AKAP8: variants seen among roughly 807,000 people sequenced by gnomAD.
The protein encoded by AKAP8 is A-kinase anchoring protein 8.
A neutral mutation model predicts 67.5 loss-of-function variants in AKAP8; 24 were observed. The ratio of observed to expected loss-of-function variants is 0.36; its 90% CI spans 0.26 to 0.50. AKAP8 has a LOEUF of 0.50. Among genes scored for constraint, AKAP8 ranks in the 20% least tolerant of loss-of-function variants. The pLI, the probability that AKAP8 is intolerant of heterozygous loss-of-function variation, is 0.97. For missense variants in AKAP8, 971 were observed against 955.9 expected, an observed-to-expected ratio of 1.02 and a Z score of -0.21; for synonymous variants, 400 against 371.1, an observed-to-expected ratio of 1.08 and a Z score of -0.90.
intron 10 of AKAP8, 133 bp downstream of exon 10, chr19:15,361,977 A>G: frequency 7.1e-7 from 1 of 1,401,204 alleles, no homozygotes; most frequent in South Asian, 1.4e-5. Flanking sequence ...TGACTCAGGG[A>G]CTTACACAGC....
rs201491601 is a variant in AKAP8, at chr19:15,372,893, G to A, written c.819C>T (p.Tyr273=). The change falls in exon 5 of 14, where the codon TAC becomes TAT. Residue 273 remains tyrosine (Y), a synonymous_variant. Coordinates refer to ENST00000269701, the MANE Select transcript of AKAP8 (RefSeq NM_005858.4). ...GAGGYDSTMP[Y]GCGRSQPRMR... ...TCCGAGGCTGCGAGCGGCCACATCC[G>A]TAGGGCATGGTGCTGTCATAGCCGC... 2.2e-4 allele frequency: 330 copies of A among 1,510,796 alleles called. 3 individuals carry two copies. The South Asian group carries it at 2.7e-3, about 12-fold the overall frequency. 93.6% of individuals were successfully genotyped at this position (1,510,796 alleles called of 1,614,324 possible). A position where few individuals can be genotyped will look rare whatever the true frequency, so the allele number is the denominator to read the frequency against.
At position 15,379,786 on chromosome 19, in the gene AKAP8, G is replaced by A. The variant is rs1454282378; in HGVS notation, c.-55C>T. On this transcript the variant is annotated 5_prime_UTR_variant, in exon 1 of 14. Transcript: ENST00000269701. ...TTTACTAGGCGACCACAGCACGCAT[G>A]CGTTCAGCGCACCTCCGCCATCGAC... is the stretch of plus-strand genomic sequence containing the variant. 3.1e-6 allele frequency: 5 copies of A among 1,607,148 alleles called. No individual in the cohort carries two copies. Among genetic ancestry groups the A allele is most frequent in the South Asian group, 1.1e-5 (1 of 90,026 alleles).
Position 15,360,785 on chromosome 19 carries a change from C to T in AKAP8, c.1527+63G>A. 7 of 1,562,244 alleles carry T rather than the reference C, an allele frequency of 4.5e-6. 1 individual carries two copies. The highest frequency in any genetic ancestry group is 6.1e-6 in the Non-Finnish European group (7 of 1,149,308). ...AGATGTTGTTATTCCCCATAAGACA[C>T]AGCAGGCTCTGAGCCGCAGCCCTGC... On this transcript the variant is annotated intron_variant, in intron 12 of 13. Transcript: ENST00000269701.
Position 15,360,950 on chromosome 19 carries a change from C to T in AKAP8, c.1425G>A (p.Lys475=). Reference sequence around the variant, plus strand: ...AGGCCAGGCAGTGAGCAGCCTCGATCTTCTTGAAGAAGTGCTCCTGGCCAA... The same window carrying T: ...AGGCCAGGCAGTGAGCAGCCTCGATTTTCTTGAAGAAGTGCTCCTGGCCAA... ...KGIGQEHFFK[K]IEAAHCLACD... Residue 475 remains lysine (K), a synonymous_variant, in exon 12 of 14, where the codon AAG becomes AAA. Coordinates refer to ENST00000269701, the MANE Select transcript of AKAP8 (RefSeq NM_005858.4). 3 of 1,613,548 alleles carry T rather than the reference C, an allele frequency of 1.9e-6. No homozygotes were observed. Among genetic ancestry groups the T allele is most frequent in the Non-Finnish European group, 2.5e-6 (3 of 1,179,866 alleles).
intron 1 of AKAP8, among the ~76,000 whole-genome samples, chr19:15,378,230 C>A (rs1568256181): frequency 6.6e-6 from 1 of 152,176 alleles, no homozygotes; most frequent in Non-Finnish European, 1.5e-5. Context: ...CGTCATACCG[C>A]AAAACCTTCT....
rs1054696552 is a variant in AKAP8, at chr19:15,353,496, G to A, written c.*1419C>T. On this transcript the variant is annotated 3_prime_UTR_variant, in exon 14 of 14. Coordinates refer to ENST00000269701, the MANE Select transcript of AKAP8 (RefSeq NM_005858.4). ...CATCTACACAACACAAACGGATGCT[G>A]AGCAGAAATGACCCAGAGGCACCAT... is the stretch of plus-strand genomic sequence containing the variant. The A allele has an allele frequency of 6.6e-6, 1 of 152,042 alleles. No individual in the cohort carries two copies. The highest frequency in any genetic ancestry group is 2.4e-5 in the African/African-American group (1 of 41,412). The allele number at this position is 152,042 out of a possible 1,614,324, so 9.4% of individuals were successfully genotyped here. A position where few individuals can be genotyped will look rare whatever the true frequency, so the allele number is the denominator to read the frequency against.
At chr19:15,364,792 T>G (rs1318089370) in intron 9 of AKAP8, among the ~76,000 whole-genome samples, 2 of 152,094 alleles carry the variant, frequency 1.3e-5, no homozygotes, top group Non-Finnish European at 2.9e-5. Flanking sequence ...ACCCAGACTT[T>G]TCTTTTTCTC....
In AKAP8 at chr19:15,369,242, G is replaced by A; in HGVS notation, c.1072+904C>T. On this transcript the variant is annotated intron_variant, in intron 8 of 13. Coordinates refer to ENST00000269701, the MANE Select transcript of AKAP8 (RefSeq NM_005858.4). The surrounding 1 kb of genome is among the most constrained non-coding windows in gnomAD (Gnocchi z 4.6). ...AGCAGGACCTGCGCGCAACAGACAT[G>A]TCACCTTTGCTTTAGCATTGTGCCG... The A allele has an allele frequency of 1.0e-6, 1 of 985,526 alleles. No homozygotes were observed. Among genetic ancestry groups the A allele is most frequent in the South Asian group, 4.7e-5 (1 of 21,294 alleles). 61.0% of individuals were successfully genotyped at this position (985,526 alleles called of 1,614,324 possible). A position where few individuals can be genotyped will look rare whatever the true frequency, so the allele number is the denominator to read the frequency against.
At chr19:15,372,111 A>C in intron 6 of AKAP8, 107 bp downstream of exon 6, 1 of 1,608,926 alleles carries the variant, frequency 6.2e-7, no homozygotes, top group South Asian at 1.1e-5. Context: ...GTGGGGTTGA[A>C]ACATGCCACC....
At chr19:15,379,614 G>C in intron 1 of AKAP8, 99 bp downstream of exon 1, 1 of 1,426,310 alleles carries the variant, frequency 7.0e-7, no homozygotes, top group East Asian at 2.8e-5. Context: ...GGGCAACCAC[G>C]CTCGGGACGA....
At chr19:15,363,415 C>T (rs1758557465) in intron 9 of AKAP8, among the ~76,000 whole-genome samples, 1 of 148,650 alleles carries the variant, frequency 6.7e-6, no homozygotes, top group Admixed American at 6.6e-5. Flanking sequence ...GGCGCCTCTG[C>T]CCGGCCGCCC....
chr19:15,368,374 G>T, intron 8 of AKAP8, 52 bp from the exon 9 acceptor site: 1 of 1,611,082 alleles, frequency 6.2e-7, no homozygotes. Flanking sequence ...CAAAGGAGCT[G>T]AGCTCCAGGG....
At chr19:15,370,438 C>T (rs1021229207) in intron 7 of AKAP8, among the ~76,000 whole-genome samples, 1 of 152,132 alleles carries the variant, frequency 6.6e-6, no homozygotes, top group Admixed American at 6.5e-5. Context: ...CACCCTCTCT[C>T]GGTTCCTCCT....
intron 6 of AKAP8, 49 bp from the exon 7 acceptor site, chr19:15,372,047 TC>T: frequency 6.2e-7 from 1 of 1,611,884 alleles, no homozygotes; most frequent in Non-Finnish European, 8.5e-7. Flanking sequence ...AACGGTCCCA[TC>T]CGGTTTCCGC....
chr19:15,379,534 G>C, intron 1 of AKAP8, 179 bp downstream of exon 1: 1 of 606,226 alleles, frequency 1.6e-6, no homozygotes, highest in Non-Finnish European at 2.6e-6. Flanking sequence ...CAGAGCCCCG[G>C]GAGCGACGGC....
chr19:15,363,487 G>A, intron 9 of AKAP8, among the ~76,000 whole-genome samples: 1 of 140,102 alleles, frequency 7.1e-6, no homozygotes, highest in South Asian at 2.3e-4. Flanking sequence ...GGAGGTGGGG[G>A]GGGTCAGCCC....
Position 15,379,706 on chromosome 19 carries a change from C to T in AKAP8, c.19+7G>A, listed in dbSNP as rs1042173068. The stretch of plus-strand genomic sequence containing the variant: ...TCCCCGCTCCGCACCCAGCAGCCAA[C>T]ACAAACCTCCGTAGCCCTGGTCCAT... On this transcript the variant is annotated splice_region_variant and intron_variant, in intron 1 of 13. Coordinates refer to ENST00000269701, the MANE Select transcript of AKAP8 (RefSeq NM_005858.4). 1 of 1,609,944 alleles carries T rather than the reference C, an allele frequency of 6.2e-7. No homozygotes were observed. Among genetic ancestry groups the T allele is most frequent in the South Asian group, 1.1e-5 (1 of 90,338 alleles).
chr19:15,359,874 C>G (rs1966937081), intron 12 of AKAP8, among the ~76,000 whole-genome samples: 1 of 152,080 alleles, frequency 6.6e-6, no homozygotes, highest in Non-Finnish European at 1.5e-5. Context: ...TGGCTCACAC[C>G]TGTAATCCCA....
chr19:15,365,749 G>A (rs918353327), intron 9 of AKAP8, among the ~76,000 whole-genome samples: 3 of 152,104 alleles, frequency 2.0e-5, no homozygotes, highest in African/African-American at 4.8e-5. Flanking sequence ...ATGGCCAGGC[G>A]CGGTGGTTCA....
Sources: allele counts gnomAD v4.1 joint callset (sites outside exome capture counted in the v4.1 genomes callset), GRCh38; gene constraint gnomAD v4.1.1; non-coding constraint Gnocchi (gnomAD v3.1); transcripts MANE v1.5; gene names NCBI Gene and HGNC (gene_info 2026-07-23, HGNC 2026-07-21).